Variants in ADGRL3 observed in about 807,000 individuals in gnomAD.
ADGRL3 encodes the protein calcium-independent alpha-latrotoxin receptor 3.
Under a neutral mutation model 153.5 loss-of-function variants are expected in ADGRL3, and 62 were observed. That is an observed-to-expected ratio of 0.40 (90% CI 0.33 to 0.50). The LOEUF (loss-of-function observed/expected upper bound fraction) is 0.50, where lower values mean the gene tolerates loss of function less well. Ranked by LOEUF, ADGRL3 falls within the 20% of genes least tolerant of loss-of-function variation. The pLI, the probability that ADGRL3 is intolerant of heterozygous loss-of-function variation, is 0.47. For missense variants in ADGRL3, 1,641 were observed against 1,859.4 expected (o/e 0.88, Z 2.16); for synonymous variants, 710 against 672.5 (o/e 1.06, Z -0.86).
intron 5 of ADGRL3, among the ~76,000 whole-genome samples, chr4:61,629,757 A>G (rs2093045762): frequency 7.5e-6 from 1 of 133,896 alleles, no homozygotes; most frequent in African/African-American, 2.7e-5. Flanking sequence ...AAAAAAAAAA[A>G]AAAAAAAAAT....
intron 6 of ADGRL3, among the ~76,000 whole-genome samples, chr4:61,690,902 CTG>C (rs1438798153): frequency 6.6e-6 from 1 of 152,140 alleles, no homozygotes; most frequent in African/African-American, 2.4e-5. Flanking sequence ...AAGAATATGA[CTG>C]TGGATATTAT....
chr4:61,855,947 C>G (rs919107182), intron 9 of ADGRL3, among the ~76,000 whole-genome samples: 2 of 151,924 alleles, frequency 1.3e-5, no homozygotes, highest in Admixed American at 6.6e-5. Context: ...GTCATTAATC[C>G]CAGACAATAG....
chr4:61,575,714 C>A (rs771654697), intron 4 of ADGRL3, among the ~76,000 whole-genome samples: 4 of 151,966 alleles, frequency 2.6e-5, no homozygotes, highest in Non-Finnish European at 5.9e-5. Flanking sequence ...TCAGGAATGT[C>A]AGAATATGTA....
At chr4:61,275,726 G>T (rs1034646003) in intron 1 of ADGRL3, among the ~76,000 whole-genome samples, 1 of 152,156 alleles carries the variant, frequency 6.6e-6, no homozygotes, top group Non-Finnish European at 1.5e-5. Flanking sequence ...CCTGGTCCCT[G>T]TAGGCCTTTA....
chr4:61,392,389 A>G (rs2096819575), intron 2 of ADGRL3, among the ~76,000 whole-genome samples: 1 of 151,808 alleles, frequency 6.6e-6, no homozygotes, highest in Non-Finnish European at 1.5e-5. Flanking sequence ...CTTTTTACAT[A>G]GAAAAGAGTC....
chr4:61,552,587 C>T (rs574492385), intron 4 of ADGRL3, among the ~76,000 whole-genome samples: 1 of 152,262 alleles, frequency 6.6e-6, no homozygotes, highest in East Asian at 1.9e-4. Context: ...CCTCAGCCTT[C>T]TGAATAGCTG....
chr4:61,428,587 C>A (rs2097310286), intron 2 of ADGRL3, among the ~76,000 whole-genome samples: 1 of 152,138 alleles, frequency 6.6e-6, no homozygotes, highest in Non-Finnish European at 1.5e-5. Context: ...AGAGTAGATT[C>A]AGGAGTGTGT....
At chr4:61,553,086 C>T (rs957567026) in intron 4 of ADGRL3, among the ~76,000 whole-genome samples, 1 of 152,134 alleles carries the variant, frequency 6.6e-6, no homozygotes, top group African/African-American at 2.4e-5. Context: ...TGTAAGTTGC[C>T]TCCAGTCACT....
intron 5 of ADGRL3, among the ~76,000 whole-genome samples, chr4:61,676,524 A>G (rs986884412): frequency 2.0e-5 from 3 of 151,830 alleles, no homozygotes; most frequent in South Asian, 2.1e-4. Flanking sequence ...TTGTGTTCAC[A>G]TTGGCAATAT....
At position 62,063,560 on chromosome 4, in the gene ADGRL3, C is replaced by A. The variant is rs1297847904; in HGVS notation, c.3815-4606C>A. 7 of 699,888 alleles carry A rather than the reference C, an allele frequency of 1.0e-5. No individual in the cohort carries two copies. The Admixed American group carries it at 1.2e-4, about 12-fold the overall frequency. 43.4% of individuals were successfully genotyped at this position (699,888 alleles called of 1,614,324 possible). ...CTCTGCTTCGTCCGCATGGTACTAA[C>A]AATCCCTATAATACATTGCTTGGGG... On this transcript the variant is annotated intron_variant, in intron 25 of 26. Transcript: ENST00000683033.
At chr4:61,358,604 A>G (rs1295231581) in intron 1 of ADGRL3, among the ~76,000 whole-genome samples, 18 of 150,734 alleles carry the variant, frequency 1.2e-4, no homozygotes, top group Non-Finnish European at 2.4e-4. Flanking sequence ...CTCAAAAAAA[A>G]AAAAAAAAAA....
intron 1 of ADGRL3, among the ~76,000 whole-genome samples, chr4:61,356,876 C>T (rs2096182499): frequency 6.6e-6 from 1 of 152,092 alleles, no homozygotes; most frequent in African/African-American, 2.4e-5. Context: ...CTAGTCAAAA[C>T]ATCAGGCACT....
chr4:61,905,649 C>T lies in ADGRL3; in HGVS notation c.1888-3911C>T, dbSNP rs980995898. ...GTAGTTCACGCCTATGATCTCAGCA[C>T]TTTGGGAGGTCGAGGCGGGCAGATG... is the stretch of plus-strand genomic sequence containing the variant. On this transcript the variant is annotated intron_variant, in intron 11 of 26. Transcript: ENST00000683033. 1.1e-4 allele frequency among the ~76,000 whole-genome samples: 16 copies of T among 152,222 alleles called. No homozygotes were observed. In the East Asian group the frequency reaches 1.4e-3, roughly 13 times the overall value.
At chr4:61,906,255 A>C (rs2098695145) in intron 11 of ADGRL3, 1 of 152,234 alleles carries the variant, frequency 6.6e-6, no homozygotes, top group East Asian at 1.9e-4. Context: ...CTGAAGACTA[A>C]TCTTAACATT....
chr4:61,567,635 G>A (rs563722385), intron 4 of ADGRL3, among the ~76,000 whole-genome samples: 2 of 152,126 alleles, frequency 1.3e-5, no homozygotes, highest in Admixed American at 1.3e-4. Flanking sequence ...CCCAGTTTAT[G>A]GTATTTTGTT....
At chr4:61,562,631 A>G (rs2098799865) in intron 4 of ADGRL3, among the ~76,000 whole-genome samples, 1 of 152,094 alleles carries the variant, frequency 6.6e-6, no homozygotes, top group African/African-American at 2.4e-5. Context: ...TTCAAGTTTG[A>G]TCATGAGATT....
In ADGRL3 at chr4:62,071,009, T is replaced by A; in HGVS notation, c.*101T>A. 2 of 1,015,790 alleles carry A rather than the reference T, an allele frequency of 2.0e-6. No homozygotes were observed. Among genetic ancestry groups the A allele is most frequent in the Non-Finnish European group, 2.8e-6 (2 of 708,036 alleles). 62.9% of individuals were successfully genotyped at this position (1,015,790 alleles called of 1,614,324 possible). ...AATAATGTGTGTACTCCTAAATCTT[T>A]ATGCTGTCCTCTAAAGACAAACACA... On this transcript the variant is annotated 3_prime_UTR_variant, in exon 27 of 27. Coordinates refer to ENST00000683033, the MANE Select transcript of ADGRL3 (RefSeq NM_001387552.1).
intron 17 of ADGRL3, among the ~76,000 whole-genome samples, chr4:61,957,022 C>A (rs2098969770): frequency 6.6e-6 from 1 of 152,160 alleles, no homozygotes; most frequent in African/African-American, 2.4e-5. Flanking sequence ...TATACGGGGT[C>A]TTCTTTGATT....
At chr4:61,387,802 T>C (rs1346062379) in intron 2 of ADGRL3, among the ~76,000 whole-genome samples, 1 of 152,008 alleles carries the variant, frequency 6.6e-6, no homozygotes, top group Non-Finnish European at 1.5e-5. Context: ...GCAATATACA[T>C]CCTCCTCAGC....
Sources: gnomAD v4.1 joint callset for allele counts (sites outside exome capture counted in the v4.1 genomes callset) on GRCh38, gnomAD v4.1.1 for gene constraint, MANE v1.5 for transcripts, NCBI Gene and HGNC (gene_info 2026-07-23, HGNC 2026-07-21) for gene names.